The following IL7 variants were observed in gnomAD, a reference collection of about 807,000 sequenced individuals.
The protein encoded by IL7 is interleukin-7.
Under a neutral mutation model 21.6 loss-of-function variants are expected in IL7, and 3 were observed. That is an observed-to-expected ratio of 0.14 (90% CI 0.06 to 0.36). The LOEUF is 0.36. IL7 is among the 10% of genes least tolerant of loss of function. The pLI, the probability that IL7 is intolerant of heterozygous loss-of-function variation, is 1.00. For missense variants in IL7, 175 were observed against 200.2 expected (o/e 0.87, Z 0.76); for synonymous variants, 62 against 68.1 (o/e 0.91, Z 0.44).
chr8:78,747,120 T>C (rs1260719755), intron 2 of IL7: 11 of 456,194 alleles, frequency 2.4e-5, no homozygotes, highest in Non-Finnish European at 4.4e-5. Flanking sequence ...AGTTTTGGCA[T>C]AGAATATATT....
intron 5 of IL7, among the ~76,000 whole-genome samples, chr8:78,735,276 C>CTTTTTTTTTTTTTTTTTGTTTTT: frequency 1.3e-5 from 1 of 78,518 alleles, no homozygotes; most frequent in Non-Finnish European, 2.3e-5. Flanking sequence ...CTTTTCTTTT[C>CTTTTTTTTTTTTTTTTTGTTTTT]TTTTTTTTTT....
chr8:78,710,548 T>C (rs1810920485), intron 3 of IL7, among the ~76,000 whole-genome samples: 2 of 152,058 alleles, frequency 1.3e-5, no homozygotes, highest in African/African-American at 4.8e-5. Flanking sequence ...GTTTTTAAAA[T>C]ATAGTCAAAA....
At chr8:78,736,126 G>A (rs1182854076) in intron 5 of IL7, among the ~76,000 whole-genome samples, 1 of 150,730 alleles carries the variant, frequency 6.6e-6, no homozygotes, top group Admixed American at 6.6e-5. Flanking sequence ...AACAGGGATG[G>A]CTTTTTTTCT....
intron 2 of IL7, among the ~76,000 whole-genome samples, chr8:78,759,256 T>G (rs1812462693): frequency 6.6e-6 from 1 of 151,568 alleles, no homozygotes; most frequent in Non-Finnish European, 1.5e-5. Context: ...ACATTTTATT[T>G]AGATTGAAAT....
intron 3 of IL7, chr8:78,689,308 C>T (rs1475136497): frequency 3.1e-6 from 5 of 1,601,406 alleles, no homozygotes; most frequent in Non-Finnish European, 4.3e-6. Context: ...ACAGGCAGCA[C>T]GTATTAGTAA....
At chr8:78,693,113 T>G (rs1810268757) in intron 3 of IL7, among the ~76,000 whole-genome samples, 1 of 152,144 alleles carries the variant, frequency 6.6e-6, no homozygotes, top group Non-Finnish European at 1.5e-5. Flanking sequence ...TGCCACATTT[T>G]CTTAATCCAG....
Position 78,681,633 on chromosome 8 carries a change from A to G in IL7, n.273+4256T>C, listed in dbSNP as rs960053911. On this transcript the variant is annotated intron_variant and non_coding_transcript_variant, in intron 4 of 4. Transcript: ENST00000523959. ...GTAATATTGATGCTAGATTTTTCTTATATGTCTACAAAAATTAAAAATTAA... is the reference window on the plus strand; with the variant it reads ...GTAATATTGATGCTAGATTTTTCTTGTATGTCTACAAAAATTAAAAATTAA... Among the ~76,000 whole-genome samples the G allele has an allele frequency of 2.0e-5, 3 of 152,252 alleles. No homozygotes were observed. The South Asian group carries it at 6.2e-4, about 32-fold the overall frequency.
In IL7 at chr8:78,747,763, C is replaced by A. The variant is rs570137669; in HGVS notation, c.148-7681G>T. Among the ~76,000 whole-genome samples the A allele has an allele frequency of 2.6e-5, 4 of 152,296 alleles. No homozygotes were observed. The East Asian group carries it at 7.7e-4, about 29-fold the overall frequency. ...ACAGGGATCAAAATCATACGTGGCT[C>A]CTTCCCTCAAGAAGTTTATTATTTG... On this transcript the variant is annotated intron_variant, in intron 2 of 5. Transcript: ENST00000263851.
intron 2 of IL7, among the ~76,000 whole-genome samples, chr8:78,766,236 C>A (rs1392169182): frequency 6.6e-6 from 1 of 152,056 alleles, no homozygotes; most frequent in African/African-American, 2.4e-5. Context: ...GAGAGTGAAA[C>A]TATTCTGTAA....
intron 3 of IL7, among the ~76,000 whole-genome samples, chr8:78,687,176 GA>G (rs1455667088): frequency 2.6e-5 from 4 of 151,542 alleles, no homozygotes; most frequent in Non-Finnish European, 5.9e-5. Context: ...CTGAGATACC[GA>G]AAAACTTAAA....
chr8:78,770,624 G>A (rs79177225), intron 2 of IL7, among the ~76,000 whole-genome samples: 2 of 152,066 alleles, frequency 1.3e-5, no homozygotes, highest in Middle Eastern at 3.4e-3. Context: ...TCTGTCTATG[G>A]TATCAATCAT....
chr8:78,695,328 C>G (rs1413879405), intron 3 of IL7, among the ~76,000 whole-genome samples: 1 of 152,018 alleles, frequency 6.6e-6, no homozygotes, highest in African/African-American at 2.4e-5. Flanking sequence ...TATTTGGAAG[C>G]CATTAAGTTG....
At chr8:78,691,076 T>C (rs1019104338) in intron 3 of IL7, among the ~76,000 whole-genome samples, 2 of 152,160 alleles carry the variant, frequency 1.3e-5, no homozygotes, top group Non-Finnish European at 2.9e-5. Flanking sequence ...TATTTCTTTT[T>C]TGTGATTTAC....
intron 3 of IL7, 27 bp downstream of exon 3, chr8:78,739,975 T>C: frequency 6.7e-7 from 1 of 1,496,064 alleles, no homozygotes; most frequent in Non-Finnish European, 8.9e-7. Context: ...CAAGCTTGAA[T>C]GACAAACTCC....
chr8:78,791,366 A>G (rs1165298377), intron 2 of IL7, among the ~76,000 whole-genome samples: 1 of 152,186 alleles, frequency 6.6e-6, no homozygotes, highest in Admixed American at 6.5e-5. Flanking sequence ...TAGGCCAAGC[A>G]CAGTGACTCA....
Position 78,805,156 on chromosome 8 carries a change from T to A in IL7, c.-234A>T. On this transcript the variant is annotated 5_prime_UTR_variant, in exon 1 of 6. Coordinates refer to ENST00000263851, the MANE Select transcript of IL7 (RefSeq NM_000880.4). Reference sequence around the variant, plus strand: ...TCTGCGCTTTGCCTTTTCCATAACTTCCGTAGGATCCGCCAGCAGTGTACT... The same window carrying A: ...TCTGCGCTTTGCCTTTTCCATAACTACCGTAGGATCCGCCAGCAGTGTACT... The A allele has an allele frequency of 2.0e-6, 1 of 491,768 alleles. No homozygotes were observed. The highest frequency in any genetic ancestry group is 3.7e-6 in the Non-Finnish European group (1 of 272,360). 30.5% of individuals were successfully genotyped at this position (491,768 alleles called of 1,614,324 possible). A position where few individuals can be genotyped will look rare whatever the true frequency, so the allele number is the denominator to read the frequency against.
chr8:78,718,822 T>C (rs901792199), intron 6 of IL7: 6 of 151,844 alleles, frequency 4.0e-5, no homozygotes, highest in Admixed American at 3.3e-4. Context: ...CTAAGAGAGC[T>C]TTGATCTTAC....
At chr8:78,695,136 A>T (rs963105058) in intron 3 of IL7, among the ~76,000 whole-genome samples, 1 of 152,206 alleles carries the variant, frequency 6.6e-6, no homozygotes, top group African/African-American at 2.4e-5. Context: ...CAGTTTTCGG[A>T]AAGGAAACTA....
rs182903600 is a variant in IL7, at chr8:78,704,734, G to A, written n.214+16614C>T. Among the ~76,000 whole-genome samples the A allele has an allele frequency of 2.3e-3, 356 of 152,122 alleles. 1 individual carries two copies. The highest frequency in any genetic ancestry group is 8.0e-3 in the African/African-American group (333 of 41,502). On this transcript the variant is annotated intron_variant and non_coding_transcript_variant, in intron 3 of 4. Transcript: ENST00000523959. Reference sequence around the variant, plus strand: ...TCTCCTCATCTCTTTCAGATATACCGGTCAGTCATAGATTTGGTCTTTTTA... The same window carrying A: ...TCTCCTCATCTCTTTCAGATATACCAGTCAGTCATAGATTTGGTCTTTTTA...
Sources: gnomAD v4.1 joint callset for allele counts (sites outside exome capture counted in the v4.1 genomes callset) on GRCh38, gnomAD v4.1.1 for gene constraint, MANE v1.5 for transcripts, NCBI Gene and HGNC (gene_info 2026-07-23, HGNC 2026-07-21) for gene names.